Variants in MRC1 observed in about 807,000 individuals in gnomAD.
MRC1 encodes the protein macrophage mannose receptor 1.
A neutral mutation model predicts 102.9 loss-of-function variants in MRC1; 62 were observed. That is an observed-to-expected ratio of 0.60 (90% CI 0.49 to 0.74). The LOEUF (loss-of-function observed/expected upper bound fraction) is 0.74, where lower values mean the gene tolerates loss of function less well. Among genes scored for constraint, MRC1 ranks in the 30% least tolerant of loss-of-function variants. MRC1 has a pLI of 0.00. For missense variants in MRC1, 1,237 were observed against 862.8 expected (o/e 1.43, Z -5.43); for synonymous variants, 457 against 298.4 (o/e 1.53, Z -5.48).
intron 1 of MRC1, among the ~76,000 whole-genome samples, chr10:17,822,527 A>G (rs1554838343): frequency 6.6e-6 from 1 of 152,216 alleles, no homozygotes; most frequent in East Asian, 1.9e-4. Flanking sequence ...AGGCTGAGGC[A>G]GGAAGATCAC....
rs1833955261 is a variant in MRC1 at position 17,910,529 on chromosome 10, A to G, written c.*64A>G. 9 of 779,904 alleles carry G rather than the reference A, an allele frequency of 1.2e-5. No individual in the cohort carries two copies. Among genetic ancestry groups the G allele is most frequent in the Admixed American group, 6.8e-5 (4 of 58,894 alleles). 48.3% of individuals were successfully genotyped at this position (779,904 alleles called of 1,614,324 possible). ...ATTGTAACTGAAATTTAAAATTTTT[A>G]GTTCAATGTGATTGTTTTCTTTAAA... On this transcript the variant is annotated 3_prime_UTR_variant, in exon 30 of 30. Coordinates refer to ENST00000569591, the MANE Select transcript of MRC1 (RefSeq NM_002438.4).
At chr10:17,871,246 T>C (rs1045658872) in intron 14 of MRC1, among the ~76,000 whole-genome samples, 6 of 152,180 alleles carry the variant, frequency 3.9e-5, no homozygotes, top group Non-Finnish European at 8.8e-5. Context: ...GCCCTAGTCG[T>C]CACAAGAAGT....
chr10:17,890,364 C>T (rs894392372), intron 22 of MRC1, among the ~76,000 whole-genome samples: 2 of 152,072 alleles, frequency 1.3e-5, no homozygotes, highest in African/African-American at 4.8e-5. Flanking sequence ...TGCTGTCAGT[C>T]GTTAATTTTG....
In MRC1 at chr10:17,856,355, G is replaced by A. The variant is rs1351908622; in HGVS notation, c.1518+3G>A. ...AAGTCGAAAAAGGCTGCAGGAAAGT[G>A]AGTGCACCATGCCCACAGTGACTTA... On this transcript the variant is annotated splice_donor_region_variant and intron_variant, in intron 9 of 29. Transcript: ENST00000569591. 3.3e-5 allele frequency: 28 copies of A among 845,040 alleles called. No individual in the cohort carries two copies. The East Asian group carries it at 6.9e-4, about 21-fold the overall frequency. 52.3% of individuals were successfully genotyped at this position (845,040 alleles called of 1,614,324 possible).
intron 9 of MRC1, among the ~76,000 whole-genome samples, chr10:17,856,690 A>T (rs1370861681): frequency 7.9e-5 from 12 of 152,284 alleles, no homozygotes; most frequent in African/African-American, 2.9e-4. Flanking sequence ...CACCTTCTAT[A>T]GTAGAAGGTG....
chr10:17,902,270 C>T lies in MRC1; in HGVS notation c.3799+148C>T, dbSNP rs894694380. On this transcript the variant is annotated intron_variant, in intron 26 of 29. Coordinates refer to ENST00000569591, the MANE Select transcript of MRC1 (RefSeq NM_002438.4). ...TAACAGAATGGCCAATATCATGCTT[C>T]CCAAATGTAATCTCTAAGTTTGTAG... is the stretch of plus-strand genomic sequence containing the variant. 214 of 611,650 alleles carry T rather than the reference C, an allele frequency of 3.5e-4. 1 individual carries two copies. The highest frequency in any genetic ancestry group is 3.5e-3 in the African/African-American group (187 of 53,504). The allele number at this position is 611,650 out of a possible 1,614,324, so 37.9% of individuals were successfully genotyped here. A position where few individuals can be genotyped will look rare whatever the true frequency, so the allele number is the denominator to read the frequency against.
At chr10:17,858,592 ATTC>A (rs1833133458) in intron 9 of MRC1, among the ~76,000 whole-genome samples, 1 of 152,146 alleles carries the variant, frequency 6.6e-6, no homozygotes, top group African/African-American at 2.4e-5. Flanking sequence ...GGCTCAAGTA[ATTC>A]TTCTGCTTCA....
In MRC1 at chr10:17,870,517, T is replaced by A; in HGVS notation, c.2111+144T>A. The A allele has an allele frequency of 5.5e-6, 4 of 724,688 alleles. No homozygotes were observed. In the South Asian group the frequency reaches 6.3e-5, roughly 11 times the overall value. 44.9% of individuals were successfully genotyped at this position (724,688 alleles called of 1,614,324 possible). ...ATCTCCCAAATCTGTGGGCCCTGTT[T>A]GATCTAGTTTCGCTTTCAAATCCTT... On this transcript the variant is annotated intron_variant, in intron 13 of 29. Coordinates refer to ENST00000569591, the MANE Select transcript of MRC1 (RefSeq NM_002438.4).
In MRC1 at chr10:17,890,914, C is replaced by G. The variant is rs1833663005; in HGVS notation, c.3148-3296C>G. ...ACTCGCATCACTGCCTGAGCTCCGCCTCCTGTCAGATCAGCAGTGGCATTA... is the reference window on the plus strand; with the variant it reads ...ACTCGCATCACTGCCTGAGCTCCGCGTCCTGTCAGATCAGCAGTGGCATTA... On this transcript the variant is annotated intron_variant, in intron 22 of 29. Coordinates refer to ENST00000569591, the MANE Select transcript of MRC1 (RefSeq NM_002438.4). 2.0e-5 allele frequency among the ~76,000 whole-genome samples: 3 copies of G among 152,108 alleles called. No homozygotes were observed. In the South Asian group the frequency reaches 6.2e-4, roughly 32 times the overall value.
chr10:17,812,488 A>G (rs970141317), intron 1 of MRC1, among the ~76,000 whole-genome samples: 8 of 151,892 alleles, frequency 5.3e-5, no homozygotes, highest in Non-Finnish European at 5.9e-5. Context: ...CATGCTGTAA[A>G]TATTCCCACC....
intron 28 of MRC1, among the ~76,000 whole-genome samples, chr10:17,908,993 T>A (rs1356008293): frequency 6.6e-6 from 1 of 152,160 alleles, no homozygotes; most frequent in Non-Finnish European, 1.5e-5. Context: ...TAAGGGTGAG[T>A]ATCAGTGGCT....
In MRC1 at chr10:17,822,743, G is replaced by C. The variant is rs1307115565; in HGVS notation, c.62-331G>C. Reference sequence around the variant, plus strand: ...TTGATATTATTCCTTTCTGTTTTCTGCCTTGTATGTTCCACTCCTGGACAA... The same window carrying C: ...TTGATATTATTCCTTTCTGTTTTCTCCCTTGTATGTTCCACTCCTGGACAA... On this transcript the variant is annotated intron_variant, in intron 1 of 29. Transcript: ENST00000569591. Among the ~76,000 whole-genome samples, 13 of 152,170 alleles carry C rather than the reference G, an allele frequency of 8.5e-5. No individual in the cohort carries two copies. The East Asian group carries it at 2.5e-3, about 29-fold the overall frequency.
At chr10:17,861,752 G>A (rs1833187372) in intron 10 of MRC1, among the ~76,000 whole-genome samples, 1 of 152,134 alleles carries the variant, frequency 6.6e-6, no homozygotes, top group Non-Finnish European at 1.5e-5. Flanking sequence ...AGTAAATGTA[G>A]TTTATGGAGC....
At chr10:17,890,016 A>G (rs1318344460) in intron 22 of MRC1, among the ~76,000 whole-genome samples, 3 of 152,148 alleles carry the variant, frequency 2.0e-5, no homozygotes, top group Non-Finnish European at 2.9e-5. Context: ...TACAGGCAAC[A>G]AATTTTCTCA....
At chr10:17,819,129 A>G (rs1838355648) in intron 1 of MRC1, among the ~76,000 whole-genome samples, 1 of 152,334 alleles carries the variant, frequency 6.6e-6, no homozygotes, top group African/African-American at 2.4e-5. Flanking sequence ...GAATTTTACT[A>G]TTGAGTGAAC....
intron 9 of MRC1, among the ~76,000 whole-genome samples, chr10:17,856,797 T>C (rs1451134125): frequency 6.6e-6 from 1 of 152,162 alleles, no homozygotes; most frequent in African/African-American, 2.4e-5. Context: ...GTCATTTTTT[T>C]CCCATTTATA....
chr10:17,843,652 AAACTC>A (rs1838782659), intron 5 of MRC1, among the ~76,000 whole-genome samples: 1 of 152,116 alleles, frequency 6.6e-6, no homozygotes, highest in Non-Finnish European at 1.5e-5. Flanking sequence ...TGACAGAGCA[AAACTC>A]CATCTCAAAA....
intron 24 of MRC1, 95 bp from the exon 25 acceptor site, chr10:17,900,693 T>C: frequency 1.3e-6 from 1 of 770,614 alleles, no homozygotes; most frequent in Non-Finnish European, 2.4e-6. Flanking sequence ...TGTCAAATCA[T>C]GGTCTTAAAT....
intron 4 of MRC1, among the ~76,000 whole-genome samples, chr10:17,839,004 T>G (rs1389954545): frequency 1.3e-5 from 2 of 152,172 alleles, no homozygotes; most frequent in Non-Finnish European, 2.9e-5. Context: ...TAACCCAAGA[T>G]TTGAATTTTG....
Sources: gnomAD v4.1 joint callset for allele counts (sites outside exome capture counted in the v4.1 genomes callset) on GRCh38, gnomAD v4.1.1 for gene constraint, MANE v1.5 for transcripts, NCBI Gene and HGNC (gene_info 2026-07-23, HGNC 2026-07-21) for gene names.